SRC: variants seen among roughly 807,000 people sequenced by gnomAD.
The protein encoded by SRC is proto-oncogene tyrosine-protein kinase Src.
Under a neutral mutation model 62.9 loss-of-function variants are expected in SRC, and 13 were observed. The observed-to-expected ratio is 0.21, with a 90% confidence interval of 0.13 to 0.33. The LOEUF is 0.33. Ranked by LOEUF, SRC falls within the 10% of genes least tolerant of loss-of-function variation. The pLI is 1.00. For missense variants in SRC, 457 were observed against 737.3 expected (o/e 0.62, Z 4.40); for synonymous variants, 302 against 317.5 (o/e 0.95, Z 0.52).
At chr20:37,393,700 G>A (rs139656317) in intron 5 of SRC, 195 bp from the exon 6 acceptor site, 40 of 565,666 alleles carry the variant, frequency 7.1e-5, no homozygotes, top group South Asian at 2.9e-4. Flanking sequence ...GCAAAAAGGC[G>A]TCTGCGCCAG....
chr20:37,386,523 G>A (rs186384945), intron 5 of SRC: 7 of 708,556 alleles, frequency 9.9e-6, no homozygotes, highest in South Asian at 3.0e-5. Context: ...GGTGCTTCGC[G>A]GGGGGTGGGG....
At position 37,400,130 on chromosome 20, in the gene SRC, C is replaced by T. The variant is rs111844926; in HGVS notation, c.875C>T (p.Thr292Ile). 5.6e-6 allele frequency: 9 copies of T among 1,610,128 alleles called. No individual in the cohort carries two copies. The highest frequency in any genetic ancestry group is 7.6e-6 in the Non-Finnish European group (9 of 1,178,166). ...TCCTCAACAGGGACCTGGAACGGTACCACCAGGGTGGCCATCAAAACCCTG... is the reference window on the plus strand; with the variant it reads ...TCCTCAACAGGGACCTGGAACGGTATCACCAGGGTGGCCATCAAAACCCTG... ...GEVWMGTWNG[T>I]TRVAIKTLKP... Residue 292 changes from threonine (T) to isoleucine (I), a missense_variant, in exon 10 of 14, where the codon ACC (threonine) becomes ATC (isoleucine). Thr to Ile is a moderately conservative substitution (Grantham distance 89). Coordinates refer to ENST00000373578, the MANE Select transcript of SRC (RefSeq NM_198291.3).
Position 37,400,471 on chromosome 20 carries a change from A to G in SRC, c.1039+177A>G, listed in dbSNP as rs1365898919. On this transcript the variant is annotated intron_variant, in intron 10 of 13. Coordinates refer to ENST00000373578, the MANE Select transcript of SRC (RefSeq NM_198291.3). ...TGCAATCATAGCTCACTTCAGCCTC[A>G]ACCTTCCAGGCTCAAGCAGTTCTCC... 3.3e-5 allele frequency among the ~76,000 whole-genome samples: 5 copies of G among 152,146 alleles called. No homozygotes were observed. In the East Asian group the frequency reaches 7.7e-4, roughly 24 times the overall value.
Position 37,405,687 on chromosome 20 carries a change from T to C in SRC, c.*2308T>C, listed in dbSNP as rs1254692319. 6.4e-6 allele frequency: 1 copy of C among 155,742 alleles called. No individual in the cohort carries two copies. The highest frequency in any genetic ancestry group is 1.4e-5 in the Non-Finnish European group (1 of 70,108). The allele number at this position is 155,742 out of a possible 1,614,324, so 9.6% of individuals were successfully genotyped here. On this transcript the variant is annotated 3_prime_UTR_variant, in exon 14 of 14. Transcript: ENST00000373578. ...GAGCATGACAAGTTCAGGACTCAAA[T>C]GTCCGTGGTGGATGGTAGCAGTGAC...
At chr20:37,370,529 C>T (rs1415109696) in intron 2 of SRC, among the ~76,000 whole-genome samples, 2 of 152,162 alleles carry the variant, frequency 1.3e-5, no homozygotes, top group Non-Finnish European at 2.9e-5. Context: ...GAGCCGAGAT[C>T]GTGCCACTGC....
chr20:37,365,370 A>ACG (rs2070047288), intron 2 of SRC, 93 bp downstream of exon 2: 1 of 139,440 alleles, frequency 7.2e-6, no homozygotes, highest in Admixed American at 7.4e-5. Flanking sequence ...ACACACACAC[A>ACG]CGACAGGGAA....
rs2147049327 is a variant in SRC, at chr20:37,384,199, C to T, written c.46C>T (p.Arg16Cys). ...SKPKDASQRR[R>C]SLEPAENVHG... ...GCCCAAGGATGCCAGCCAGCGGCGC[C>T]GCAGCCTGGAGCCCGCCGAGAACGT... The change falls in exon 4 of 14, where the codon CGC becomes TGC. Residue 16 changes from arginine (R) to cysteine (C), a missense_variant. Coordinates refer to ENST00000373578, the MANE Select transcript of SRC (RefSeq NM_198291.3). The surrounding 1 kb of genome is among the most constrained non-coding windows in gnomAD (Gnocchi z 6.7). The T allele has an allele frequency of 6.3e-7, 1 of 1,596,650 alleles. No homozygotes were observed.
At chr20:37,378,828 T>G (rs1186515942) in intron 2 of SRC, among the ~76,000 whole-genome samples, 1 of 152,028 alleles carries the variant, frequency 6.6e-6, no homozygotes, top group African/African-American at 2.4e-5. Context: ...GGCCCTGGCC[T>G]GAAGGACTGG....
At chr20:37,371,022 C>CT (rs2070157314) in intron 2 of SRC, among the ~76,000 whole-genome samples, 1 of 139,234 alleles carries the variant, frequency 7.2e-6, no homozygotes, top group African/African-American at 2.8e-5. Context: ...GAGTTTCACT[C>CT]TTGTTGCCCA....
chr20:37,369,664 A>T (rs192583627), intron 2 of SRC, among the ~76,000 whole-genome samples: 96 of 152,308 alleles, frequency 6.3e-4, no homozygotes, highest in African/African-American at 2.2e-3. Flanking sequence ...TAGAAGCTCC[A>T]GTACAATCTT....
intron 1 of SRC, among the ~76,000 whole-genome samples, chr20:37,348,558 G>T (rs952876255): frequency 2.6e-5 from 4 of 152,174 alleles, no homozygotes; most frequent in African/African-American, 7.2e-5. Flanking sequence ...CTAGAAGGTG[G>T]CAGGGCCTGA....
At chr20:37,373,364 A>G (rs1600981514) in intron 2 of SRC, among the ~76,000 whole-genome samples, 1 of 149,834 alleles carries the variant, frequency 6.7e-6, no homozygotes, top group South Asian at 2.1e-4. Context: ...ATATATACAC[A>G]TACACATATA....
intron 1 of SRC, among the ~76,000 whole-genome samples, chr20:37,346,779 T>G (rs952011045): frequency 6.6e-6 from 1 of 152,202 alleles, no homozygotes; most frequent in African/African-American, 2.4e-5. Context: ...GGCCTGGTGC[T>G]GCCGGCCTGG....
chr20:37,367,532 G>T (rs754575960), intron 2 of SRC, among the ~76,000 whole-genome samples: 3 of 151,846 alleles, frequency 2.0e-5, no homozygotes, highest in Non-Finnish European at 4.4e-5. Context: ...TAGAGACAGG[G>T]TCTCACTATG....
In SRC at chr20:37,401,597, C is replaced by G; in HGVS notation, c.1040-5C>G. On this transcript the variant is annotated splice_region_variant and splice_polypyrimidine_tract_variant and intron_variant, in intron 10 of 13. Coordinates refer to ENST00000373578, the MANE Select transcript of SRC (RefSeq NM_198291.3). ...GGAGCTGGAGCTGGGTCTCTCTCTG[C>G]CCAGGGAGTTTGCTGGACTTTCTCA... 6.2e-7 allele frequency: 1 copy of G among 1,609,580 alleles called. No individual in the cohort carries two copies. Among genetic ancestry groups the G allele is most frequent in the Non-Finnish European group, 8.5e-7 (1 of 1,177,694 alleles).
At chr20:37,391,052 G>A (rs779263132) in intron 5 of SRC, among the ~76,000 whole-genome samples, 1 of 152,176 alleles carries the variant, frequency 6.6e-6, no homozygotes, top group Non-Finnish European at 1.5e-5. Flanking sequence ...GGGTAGCATC[G>A]GCTGCACTCC....
At chr20:37,385,918 C>T (rs1040094978) in intron 4 of SRC, among the ~76,000 whole-genome samples, 157 bp from the exon 5 acceptor site, 2 of 152,258 alleles carry the variant, frequency 1.3e-5, no homozygotes, top group Non-Finnish European at 2.9e-5. Context: ...GCAGTGGACA[C>T]GTGCACAGGC....
chr20:37,361,303 C>T (rs551187370), intron 1 of SRC, among the ~76,000 whole-genome samples: 2 of 152,102 alleles, frequency 1.3e-5, no homozygotes, highest in South Asian at 2.1e-4. Context: ...TACGATCACC[C>T]GTCCCCAGCC....
chr20:37,386,114 C>CT lies in SRC; in HGVS notation c.291dup (p.Arg98Ter). 1 of 1,614,228 alleles carries CT rather than the reference C, an allele frequency of 6.2e-7. No homozygotes were observed. Among genetic ancestry groups the CT allele is most frequent in the Non-Finnish European group, 8.5e-7 (1 of 1,180,030 alleles). ...TTTGTGGCCCTCTATGACTATGAGT[C>CT]TAGGACGGAGACAGACCTGTCCTTC... On this transcript the variant is annotated frameshift_variant, in exon 5 of 14. Transcript: ENST00000373578. LOFTEE classifies it high-confidence loss of function.
Sources: allele counts gnomAD v4.1 joint callset (sites outside exome capture counted in the v4.1 genomes callset), GRCh38; gene constraint gnomAD v4.1.1; non-coding constraint Gnocchi (gnomAD v3.1); transcripts MANE v1.5; gene names NCBI Gene and HGNC (gene_info 2026-07-23, HGNC 2026-07-21).